Variants in DKK2 observed in about 807,000 individuals in gnomAD.
The protein encoded by DKK2 is dickkopf-related protein 2.
In DKK2, 11 loss-of-function variants were observed where a neutral mutation model predicts 28.1. The ratio of observed to expected loss-of-function variants is 0.39; its 90% confidence interval spans 0.25 to 0.65. The LOEUF (loss-of-function observed/expected upper bound fraction) is 0.65. DKK2 is among the 30% of genes least tolerant of loss of function. The probability of loss-of-function intolerance (pLI) is 0.47; values close to 1 mark genes in which losing one functional copy is unlikely to be tolerated. For missense variants in DKK2, 326 were observed against 335.5 expected (o/e 0.97, Z 0.22); for synonymous variants, 135 against 126.5 (o/e 1.07, Z -0.45).
intron 1 of DKK2, among the ~76,000 whole-genome samples, chr4:106,986,108 T>C (rs1723116412): frequency 6.6e-6 from 1 of 152,178 alleles, no homozygotes; most frequent in Admixed American, 6.5e-5. Flanking sequence ...CACAGTGTAA[T>C]AATAAAATGG....
At chr4:106,925,972 C>T in intron 1 of DKK2, 23 bp from the exon 2 acceptor site, 1 of 1,582,558 alleles carries the variant, frequency 6.3e-7, no homozygotes, top group Non-Finnish European at 8.6e-7. Flanking sequence ...GGAACAACAC[C>T]AGAAGTAAAG....
Position 107,035,841 on chromosome 4 carries a change from A to G in DKK2, c.-250T>C. The G allele has an allele frequency of 1.8e-6, 1 of 548,434 alleles. No individual in the cohort carries two copies. The highest frequency in any genetic ancestry group is 3.3e-6 in the Non-Finnish European group (1 of 306,684). The allele number at this position is 548,434 out of a possible 1,614,324, so 34.0% of individuals were successfully genotyped here. ...GGAAGTTCTGCAATAACTGGAAGCA[A>G]TCAAATGCGAGGCGCTTTCTCGCCA... On this transcript the variant is annotated 5_prime_UTR_variant, in exon 1 of 4. Transcript: ENST00000285311.
intron 2 of DKK2, 67 bp from the exon 3 acceptor site, chr4:106,924,767 T>G: frequency 6.9e-7 from 1 of 1,451,510 alleles, no homozygotes. Context: ...ATCCACATAC[T>G]CTCTTGATGT....
intron 1 of DKK2, among the ~76,000 whole-genome samples, chr4:106,931,581 T>C (rs1724506089): frequency 1.3e-5 from 2 of 152,122 alleles, no homozygotes; most frequent in Admixed American, 1.3e-4. Context: ...TAATTAAACA[T>C]TTTCTAAGAT....
intron 1 of DKK2, among the ~76,000 whole-genome samples, chr4:106,966,940 G>T (rs532818383): frequency 7.3e-4 from 111 of 152,100 alleles, no homozygotes; most frequent in Non-Finnish European, 4.1e-4. Flanking sequence ...ACTTGGGTGG[G>T]GACACAGCCA....
chr4:107,005,151 G>A (rs1025216699), intron 1 of DKK2, among the ~76,000 whole-genome samples: 1 of 151,876 alleles, frequency 6.6e-6, no homozygotes, highest in Non-Finnish European at 1.5e-5. Context: ...GACCATCCTG[G>A]CTAACACGGT....
chr4:106,935,053 C>A (rs1191385889), intron 1 of DKK2, among the ~76,000 whole-genome samples: 3 of 151,946 alleles, frequency 2.0e-5, no homozygotes, highest in African/African-American at 7.2e-5. Context: ...ACAGTGATCA[C>A]CACAAAGTTT....
At chr4:106,990,708 C>CT (rs768952040) in intron 1 of DKK2, among the ~76,000 whole-genome samples, 2 of 152,102 alleles carry the variant, frequency 1.3e-5, no homozygotes, top group Non-Finnish European at 2.9e-5. Flanking sequence ...CAGTCTCCAG[C>CT]TAGTGTCTTT....
chr4:106,925,675 A>T, intron 2 of DKK2, 124 bp downstream of exon 2: 1 of 1,317,366 alleles, frequency 7.6e-7, no homozygotes, highest in Non-Finnish European at 1.0e-6. Flanking sequence ...ACACTACCTA[A>T]ACCAGTTCTA....
chr4:106,925,329 T>C (rs907970200), intron 2 of DKK2, among the ~76,000 whole-genome samples: 2 of 152,238 alleles, frequency 1.3e-5, no homozygotes, highest in African/African-American at 4.8e-5. Context: ...AATTCATTGA[T>C]ATTGGATGAA....
chr4:107,034,836 G>C lies in DKK2; in HGVS notation c.222+534C>G, dbSNP rs116098383. On this transcript the variant is annotated intron_variant, in intron 1 of 3. Coordinates refer to ENST00000285311, the MANE Select transcript of DKK2 (RefSeq NM_014421.3). ...TAAACGCCCAGTATCTCAATGTCTAGACTGAAATCCCTCTCTGCCACTTAT... is the reference window on the plus strand; with the variant it reads ...TAAACGCCCAGTATCTCAATGTCTACACTGAAATCCCTCTCTGCCACTTAT... Among the ~76,000 whole-genome samples the C allele has an allele frequency of 9.5e-3, 1,445 of 152,238 alleles. 22 individuals are homozygous for C. The highest frequency in any genetic ancestry group is 0.033 in the African/African-American group (1,350 of 41,538).
rs558963785 is a variant in DKK2 at position 107,030,138 on chromosome 4, T to C, written c.222+5232A>G. ...ATTTAACAGGATATTGCAATCTTTCTGCTTTAAAGTTTTCTTTGATTAAAT... is the reference window on the plus strand; with the variant it reads ...ATTTAACAGGATATTGCAATCTTTCCGCTTTAAAGTTTTCTTTGATTAAAT... On this transcript the variant is annotated intron_variant, in intron 1 of 3. Coordinates refer to ENST00000285311, the MANE Select transcript of DKK2 (RefSeq NM_014421.3). Among the ~76,000 whole-genome samples the C allele has an allele frequency of 3.3e-5, 5 of 152,224 alleles. No individual in the cohort carries two copies. The East Asian group carries it at 9.6e-4, about 29-fold the overall frequency.
chr4:106,986,048 T>G (rs1723115241), intron 1 of DKK2, among the ~76,000 whole-genome samples: 1 of 152,126 alleles, frequency 6.6e-6, no homozygotes, highest in Non-Finnish European at 1.5e-5. Flanking sequence ...GTGCTACCTC[T>G]TGGGAAGCGT....
At chr4:107,006,612 C>T (rs1287214046) in intron 1 of DKK2, among the ~76,000 whole-genome samples, 4 of 152,142 alleles carry the variant, frequency 2.6e-5, no homozygotes, top group African/African-American at 9.7e-5. Flanking sequence ...AATTTGATGG[C>T]TGAATTGAGT....
chr4:106,972,110 C>A (rs1287435879), intron 1 of DKK2, among the ~76,000 whole-genome samples: 6 of 152,060 alleles, frequency 3.9e-5, no homozygotes, highest in Admixed American at 1.3e-4. Context: ...TCAGTGCAAC[C>A]TATTGAATGC....
intron 1 of DKK2, among the ~76,000 whole-genome samples, chr4:106,987,197 G>A (rs1723131945): frequency 6.6e-6 from 1 of 152,124 alleles, no homozygotes; most frequent in Non-Finnish European, 1.5e-5. Context: ...ATGTGTGTAT[G>A]CAAGTGGCTG....
At chr4:107,024,874 G>C (rs540792128) in intron 1 of DKK2, among the ~76,000 whole-genome samples, 22 of 152,320 alleles carry the variant, frequency 1.4e-4, no homozygotes, top group African/African-American at 5.1e-4. Context: ...GTCCCATGCA[G>C]AAATCGTAAC....
At chr4:106,946,254 G>T (rs1039353440) in intron 1 of DKK2, among the ~76,000 whole-genome samples, 1 of 151,982 alleles carries the variant, frequency 6.6e-6, no homozygotes, top group East Asian at 1.9e-4. Flanking sequence ...AAGGAATTAT[G>T]ATTAATTTTT....
chr4:107,000,448 C>G (rs567680889), intron 1 of DKK2, among the ~76,000 whole-genome samples: 2 of 152,274 alleles, frequency 1.3e-5, no homozygotes, highest in African/African-American at 4.8e-5. Context: ...CTACTTTTAG[C>G]ACATGCAACA....
Sources: gnomAD v4.1 joint callset for allele counts (sites outside exome capture counted in the v4.1 genomes callset) on GRCh38, gnomAD v4.1.1 for gene constraint, MANE v1.5 for transcripts, NCBI Gene and HGNC (gene_info 2026-07-23, HGNC 2026-07-21) for gene names.